The following MYO1B variants were observed in gnomAD, a reference collection of about 807,000 sequenced individuals.
MYO1B encodes the protein myosin IB.
In MYO1B, 72 loss-of-function variants were observed where a neutral mutation model predicts 159.7. The ratio of observed to expected loss-of-function variants is 0.45; its 90% CI spans 0.37 to 0.55. The LOEUF (loss-of-function observed/expected upper bound fraction) is 0.55. Among genes scored for constraint, MYO1B ranks in the 20% least tolerant of loss-of-function variants. MYO1B has a pLI of 0.00. For synonymous variants in MYO1B, 468 were observed against 473.8 expected (o/e 0.99, Z 0.16); for missense variants, 1,062 against 1,364.8 (o/e 0.78, Z 3.50).
intron 3 of MYO1B, among the ~76,000 whole-genome samples, chr2:191,328,740 C>T (rs899167232): frequency 2.6e-5 from 4 of 152,192 alleles, no homozygotes; most frequent in African/African-American, 9.6e-5. Flanking sequence ...CTTCCAGCTA[C>T]ATCGAACTGC....
At chr2:191,386,998 C>G (rs1041470861) in intron 16 of MYO1B, among the ~76,000 whole-genome samples, 7 of 152,096 alleles carry the variant, frequency 4.6e-5, no homozygotes, top group Admixed American at 3.3e-4. Context: ...TTTATTCTTG[C>G]AAATCCTGAA....
chr2:191,378,189 G>A (rs554344757), intron 13 of MYO1B, among the ~76,000 whole-genome samples: 18 of 152,170 alleles, frequency 1.2e-4, no homozygotes, highest in Admixed American at 2.6e-4. Flanking sequence ...TTTGGATTAT[G>A]ATGGATCTCT....
At chr2:191,340,667 T>C (rs926600256) in intron 4 of MYO1B, among the ~76,000 whole-genome samples, 3 of 152,172 alleles carry the variant, frequency 2.0e-5, no homozygotes, top group Admixed American at 6.5e-5. Context: ...GCTTAGTTTT[T>C]GAATTAAGTT....
intron 21 of MYO1B, among the ~76,000 whole-genome samples, chr2:191,397,942 C>CCGGG (rs1553562358): frequency 3.6e-5 from 2 of 55,910 alleles, no homozygotes; most frequent in Non-Finnish European, 6.0e-5. Context: ...GCTGGCCGGG[C>CCGGG]GGGCCGACCC....
chr2:191,381,145 T>C (rs1695018642), intron 13 of MYO1B: 1 of 374,384 alleles, frequency 2.7e-6, no homozygotes, highest in Non-Finnish European at 5.1e-6. Context: ...GAGCTCACTG[T>C]GTCTTTGCTG....
intron 1 of MYO1B, among the ~76,000 whole-genome samples, chr2:191,252,464 C>G (rs915913159): frequency 2.0e-5 from 3 of 152,180 alleles, no homozygotes; most frequent in African/African-American, 7.2e-5. Flanking sequence ...AACCTCTTAT[C>G]CATGTACTGA....
chr2:191,304,968 CA>C (rs1244518716), intron 3 of MYO1B, among the ~76,000 whole-genome samples: 1 of 152,136 alleles, frequency 6.6e-6, no homozygotes, highest in Non-Finnish European at 1.5e-5. Flanking sequence ...TGGTTCTCAG[CA>C]AAACAGCTGC....
chr2:191,264,304 A>G (rs939090404), intron 1 of MYO1B, among the ~76,000 whole-genome samples: 1 of 152,210 alleles, frequency 6.6e-6, no homozygotes, highest in African/African-American at 2.4e-5. Flanking sequence ...GCCTTTGTTT[A>G]CATAGTTTAT....
intron 3 of MYO1B, among the ~76,000 whole-genome samples, chr2:191,311,450 G>A (rs1689997723): frequency 6.6e-6 from 1 of 152,178 alleles, no homozygotes; most frequent in South Asian, 2.1e-4. Context: ...TTTCATGAAG[G>A]ATGGGTCACT....
At chr2:191,415,015 T>C (rs1697474224) in intron 29 of MYO1B, among the ~76,000 whole-genome samples, 1 of 152,224 alleles carries the variant, frequency 6.6e-6, no homozygotes, top group South Asian at 2.1e-4. Flanking sequence ...TAAAATAAAA[T>C]AACCGCCAGT....
Position 191,383,261 on chromosome 2 carries a change from G to T in MYO1B, c.1291-19G>T, listed in dbSNP as rs761964477. 4 of 1,525,794 alleles carry T rather than the reference G, an allele frequency of 2.6e-6. No individual in the cohort carries two copies. The highest frequency in any genetic ancestry group is 1.2e-5 in the South Asian group (1 of 81,918). The allele number at this position is 1,525,794 out of a possible 1,614,324, so 94.5% of individuals were successfully genotyped here. A position where few individuals can be genotyped will look rare whatever the true frequency, so the allele number is the denominator to read the frequency against. On this transcript the variant is annotated intron_variant, in intron 14 of 30. Transcript: ENST00000392318. Reference sequence around the variant, plus strand: ...GCTTCATCTTGTGTCATTGGATTTTGTTCTGTTTTGTCTTTTAGGATATAG... The same window carrying T: ...GCTTCATCTTGTGTCATTGGATTTTTTTCTGTTTTGTCTTTTAGGATATAG...
chr2:191,264,269 C>T (rs909733820), intron 1 of MYO1B, among the ~76,000 whole-genome samples: 3 of 152,098 alleles, frequency 2.0e-5, no homozygotes, highest in Non-Finnish European at 4.4e-5. Context: ...TCATGAAATC[C>T]TAATGTAAAT....
intron 3 of MYO1B, among the ~76,000 whole-genome samples, chr2:191,299,580 C>T (rs1011951353): frequency 6.6e-6 from 1 of 152,212 alleles, no homozygotes; most frequent in Non-Finnish European, 1.5e-5. Flanking sequence ...TCACTTGTTC[C>T]GTACTAAGGC....
At chr2:191,289,199 T>C (rs1321243119) in intron 2 of MYO1B, among the ~76,000 whole-genome samples, 1 of 152,230 alleles carries the variant, frequency 6.6e-6, no homozygotes, top group Non-Finnish European at 1.5e-5. Flanking sequence ...AGCGCTTTAT[T>C]ACACAAAGGT....
At chr2:191,418,161 A>T (rs1697693578) in intron 30 of MYO1B, among the ~76,000 whole-genome samples, 1 of 152,210 alleles carries the variant, frequency 6.6e-6, no homozygotes, top group Admixed American at 6.5e-5. Context: ...TCCCTTCCCC[A>T]GGTGGCACAG....
At chr2:191,376,360 T>C (rs1694711540) in intron 13 of MYO1B, among the ~76,000 whole-genome samples, 1 of 152,216 alleles carries the variant, frequency 6.6e-6, no homozygotes, top group African/African-American at 2.4e-5. Flanking sequence ...GCTGTGATAT[T>C]TAAAAATGGA....
intron 7 of MYO1B, among the ~76,000 whole-genome samples, chr2:191,352,058 T>G (rs1692959117): frequency 6.6e-6 from 1 of 152,164 alleles, no homozygotes; most frequent in East Asian, 1.9e-4. Flanking sequence ...CTACCTAAGT[T>G]AAATGATTTC....
chr2:191,337,908 T>C (rs1691963353), intron 4 of MYO1B, among the ~76,000 whole-genome samples: 1 of 152,150 alleles, frequency 6.6e-6, no homozygotes. Flanking sequence ...TATATAAATA[T>C]TTGAATACAG....
At chr2:191,266,845 A>G (rs1320651739) in intron 1 of MYO1B, among the ~76,000 whole-genome samples, 7 of 152,152 alleles carry the variant, frequency 4.6e-5, no homozygotes, top group Admixed American at 2.6e-4. Context: ...AATTTCTTCT[A>G]ATTAGTCTAG....
Sources: allele counts gnomAD v4.1 joint callset (sites outside exome capture counted in the v4.1 genomes callset), GRCh38; gene constraint gnomAD v4.1.1; transcripts MANE v1.5; gene names NCBI Gene and HGNC (gene_info 2026-07-23, HGNC 2026-07-21).